The following GTF3C1 variants were observed in gnomAD, a reference collection of about 807,000 sequenced individuals.
GTF3C1 encodes the protein general transcription factor 3C polypeptide 1.
Under a neutral mutation model 226.7 loss-of-function variants are expected in GTF3C1, and 57 were observed. That is an observed-to-expected ratio of 0.25 (90% CI 0.20 to 0.31). GTF3C1 has a LOEUF of 0.31. Ranked by LOEUF, GTF3C1 falls within the 10% of genes least tolerant of loss-of-function variation. The pLI, the probability that GTF3C1 is intolerant of heterozygous loss-of-function variation, is 1.00. For synonymous variants in GTF3C1, 1,090 were observed against 1,084.8 expected (o/e 1.00, Z -0.09); for missense variants, 2,217 against 2,776.1 (o/e 0.80, Z 4.53).
At position 27,529,776 on chromosome 16, in the gene GTF3C1, C is replaced by T. The variant is rs139548954; in HGVS notation, c.850-1055G>A. Among the ~76,000 whole-genome samples the T allele has an allele frequency of 3.2e-4, 48 of 152,342 alleles. 1 individual carries two copies. Among genetic ancestry groups the T allele is most frequent in the African/African-American group, 8.7e-4 (36 of 41,586 alleles). On this transcript the variant is annotated intron_variant, in intron 5 of 36. Transcript: ENST00000356183. ...AGTGAACAGAAGCCTTGATCAGCTG[C>T]TCTTCAGCAGGGCCCACCCGGTTCC...
At position 27,501,363 on chromosome 16, in the gene GTF3C1, G is replaced by A. The variant is rs748890757; in HGVS notation, c.1908-19C>T. The A allele has an allele frequency of 6.2e-7, 1 of 1,612,372 alleles. No homozygotes were observed. The highest frequency in any genetic ancestry group is 1.1e-5 in the South Asian group (1 of 91,050). On this transcript the variant is annotated intron_variant, in intron 11 of 36. Coordinates refer to ENST00000356183, the MANE Select transcript of GTF3C1 (RefSeq NM_001520.4). ...CTGAATCCTGGGCATCACAAAATAA[G>A]CAGATAACACTCCCAATCTCAACAT... is the stretch of plus-strand genomic sequence containing the variant.
intron 7 of GTF3C1, among the ~76,000 whole-genome samples, chr16:27,510,276 C>G (rs1228997014): frequency 6.6e-6 from 1 of 152,026 alleles, no homozygotes; most frequent in Non-Finnish European, 1.5e-5. Context: ...GTCCCAAGTA[C>G]TCGGGAGGCT....
intron 23 of GTF3C1, among the ~76,000 whole-genome samples, chr16:27,487,609 T>C (rs1056146326): frequency 6.6e-6 from 1 of 152,008 alleles, no homozygotes; most frequent in African/African-American, 2.4e-5. Context: ...GCCTGGACAA[T>C]ATGGCAAAAC....
At chr16:27,506,184 A>C (rs2088481953) in intron 9 of GTF3C1, 68 bp from the exon 10 acceptor site, 3 of 858,608 alleles carry the variant, frequency 3.5e-6, no homozygotes, top group Non-Finnish European at 5.7e-6. Flanking sequence ...TTTGGCAATC[A>C]GACCAGACCC....
At chr16:27,502,756 G>T in intron 11 of GTF3C1, 103 bp downstream of exon 11, 2 of 1,203,586 alleles carry the variant, frequency 1.7e-6, no homozygotes, top group Middle Eastern at 1.9e-4. Flanking sequence ...GTGGGACAGA[G>T]ATTTGAATGC....
chr16:27,484,288 AG>A lies in GTF3C1; in HGVS notation c.3923del (p.Ser1308PhefsTer16). The A allele has an allele frequency of 6.2e-7, 1 of 1,607,370 alleles. No individual in the cohort carries two copies. The highest frequency in any genetic ancestry group is 8.5e-7 in the Non-Finnish European group (1 of 1,173,822). ...CAACGGAATGAGATGTTTTATCCAA[AG>A]ACTCTTCAAACGTGGCATGCAAAAT... ...RDILHATFEE[S>X]LDKTSHSVGR... is the part of the protein sequence containing the mutation. On this transcript the variant is annotated frameshift_variant, in exon 25 of 37. Coordinates refer to ENST00000356183, the MANE Select transcript of GTF3C1 (RefSeq NM_001520.4). LOFTEE classifies it high-confidence loss of function.
chr16:27,492,506 A>G lies in GTF3C1; in HGVS notation c.2983T>C (p.Phe995Leu), dbSNP rs1463123946. ...KFQDKDQVFI[F>L]LKKNAVIVDT... Reference sequence around the variant, plus strand: ...ACAATGACTGCATTCTTCTTCAAGAAGATAAAGACCTAAGGGGAGACACCA... The same window carrying G: ...ACAATGACTGCATTCTTCTTCAAGAGGATAAAGACCTAAGGGGAGACACCA... The change falls in exon 19 of 37, where the codon TTC becomes CTC. Residue 995 changes from phenylalanine to leucine, a missense_variant. By Grantham distance (22) the Phe-to-Leu change is conservative. This residue lies in a region of GTF3C1 where 353 missense variants were observed against 411.7 expected (regional missense o/e 0.86). Coordinates refer to ENST00000356183, the MANE Select transcript of GTF3C1 (RefSeq NM_001520.4). This position sits in a 1 kb window ranked among gnomAD's most constrained non-coding sequence, Gnocchi z 5.0. The G allele has an allele frequency of 6.2e-7, 1 of 1,612,646 alleles. No homozygotes were observed. The highest frequency in any genetic ancestry group is 1.7e-5 in the Admixed American group (1 of 60,002).
intron 11 of GTF3C1, among the ~76,000 whole-genome samples, chr16:27,502,021 G>A (rs1057106720): frequency 2.8e-4 from 42 of 152,024 alleles, no homozygotes; most frequent in African/African-American, 1.0e-3. Context: ...TTTGAACCCA[G>A]GAGGCAGACG....
chr16:27,545,526 A>C lies in GTF3C1; in HGVS notation c.222-3T>G, dbSNP rs2089149756. 4 of 1,563,526 alleles carry C rather than the reference A, an allele frequency of 2.6e-6. No homozygotes were observed. In the African/African-American group the frequency reaches 5.4e-5, roughly 21 times the overall value. ...TTTCCAAATCAATTTCTTCATACCT[A>C]AGGAGAAAAACACAAATATCAAAGC... On this transcript the variant is annotated splice_polypyrimidine_tract_variant and splice_region_variant and intron_variant, in intron 1 of 36. Coordinates refer to ENST00000356183, the MANE Select transcript of GTF3C1 (RefSeq NM_001520.4).
chr16:27,521,058 G>A (rs547649022), intron 6 of GTF3C1, among the ~76,000 whole-genome samples: 78 of 152,322 alleles, frequency 5.1e-4, no homozygotes, highest in South Asian at 1.2e-3. Flanking sequence ...GATGGGAAGG[G>A]CTGGTGTCAA....
rs1396657924 is a variant in GTF3C1 at position 27,492,424 on chromosome 16, T to G, written c.3065A>C (p.Glu1022Ala). The G allele has an allele frequency of 6.2e-7, 1 of 1,611,962 alleles. No individual in the cohort carries two copies. The highest frequency in any genetic ancestry group is 8.5e-7 in the Non-Finnish European group (1 of 1,178,194). ...TGAGTTCAGGACATAGAGGCGCCTCTCGAAGGGCCGGCTGCTGCGGGCCAG... is the reference window on the plus strand; with the variant it reads ...TGAGTTCAGGACATAGAGGCGCCTCGCGAAGGGCCGGCTGCTGCGGGCCAG... ...YNLARSSRPF[E>A]RRLYVLNSMQ... The change falls in exon 19 of 37, where the codon GAG (glutamate) becomes GCG (alanine). Residue 1022 changes from glutamate to alanine, a missense_variant. By Grantham distance (107) the Glu-to-Ala change is moderately radical. Coordinates refer to ENST00000356183, the MANE Select transcript of GTF3C1 (RefSeq NM_001520.4). This position sits in a 1 kb window ranked among gnomAD's most constrained non-coding sequence, Gnocchi z 5.0.
intron 11 of GTF3C1, 46 bp downstream of exon 11, chr16:27,502,813 T>A (rs2141396437): frequency 1.3e-6 from 2 of 1,546,188 alleles, no homozygotes; most frequent in East Asian, 2.4e-5. Flanking sequence ...GTAGGAGGAT[T>A]ACTGTTAGTG....
chr16:27,487,305 T>C (rs1052069109), intron 23 of GTF3C1, among the ~76,000 whole-genome samples: 1 of 152,218 alleles, frequency 6.6e-6, no homozygotes, highest in Admixed American at 6.5e-5. Flanking sequence ...TGTTTAAACA[T>C]TCTGTCTTTA....
rs1368155573 is a variant in GTF3C1, at chr16:27,498,786, CT to C, written c.2062-54del. ...AGGGTGAGGGAAGAGCTGAGGAAGA[CT>C]TGGCTCCACAGTCGATTCCTAGTGG... On this transcript the variant is annotated intron_variant, in intron 12 of 36. Transcript: ENST00000356183. 6 of 780,092 alleles carry C rather than the reference CT, an allele frequency of 7.7e-6. No homozygotes were observed. In the African/African-American group the frequency reaches 2.2e-4, roughly 28 times the overall value. 48.3% of individuals were successfully genotyped at this position (780,092 alleles called of 1,614,324 possible).
rs768915905 is a variant in GTF3C1 at position 27,470,397 on chromosome 16, TACAG to T, written c.4527-6_4527-3del. 1.4e-5 allele frequency: 22 copies of T among 1,611,776 alleles called. No individual in the cohort carries two copies. The highest frequency in any genetic ancestry group is 1.7e-5 in the Non-Finnish European group (20 of 1,178,732). ...CTTGGAAATCGCCACGTAAAAATCC[TACAG>T]ACAAAAAGAAAGGAAGGGCCTGACT... On this transcript the variant is annotated splice_polypyrimidine_tract_variant and splice_region_variant and intron_variant, in intron 30 of 36. Transcript: ENST00000356183. This position sits in a 1 kb window ranked among gnomAD's most constrained non-coding sequence, Gnocchi z 4.9.
intron 1 of GTF3C1, among the ~76,000 whole-genome samples, chr16:27,549,447 G>A (rs1188699529): frequency 6.6e-6 from 1 of 152,064 alleles, no homozygotes; most frequent in Non-Finnish European, 1.5e-5. Flanking sequence ...GACAAAACGG[G>A]ACATCACTAG....
At chr16:27,474,065 G>C (rs2087917367) in intron 29 of GTF3C1, among the ~76,000 whole-genome samples, 1 of 152,210 alleles carries the variant, frequency 6.6e-6, no homozygotes, top group Non-Finnish European at 1.5e-5. Context: ...GCTGTCACAG[G>C]CACAGTGAGC....
intron 22 of GTF3C1, 35 bp downstream of exon 22, chr16:27,488,519 T>A (rs773454066): frequency 6.3e-7 from 1 of 1,583,218 alleles, no homozygotes; most frequent in Non-Finnish European, 8.7e-7. Flanking sequence ...ACTGGTACCA[T>A]ATTAACTTCT....
chr16:27,541,620 C>T (rs1414629961), intron 2 of GTF3C1, among the ~76,000 whole-genome samples: 1 of 152,126 alleles, frequency 6.6e-6, no homozygotes, highest in Non-Finnish European at 1.5e-5. Context: ...AGGACACTTC[C>T]AGAGGAGTCA....
Sources: allele counts gnomAD v4.1 joint callset (sites outside exome capture counted in the v4.1 genomes callset), GRCh38; gene constraint gnomAD v4.1.1; regional missense constraint gnomAD v4.1.1; non-coding constraint Gnocchi (gnomAD v3.1); transcripts MANE v1.5; gene names NCBI Gene and HGNC (gene_info 2026-07-23, HGNC 2026-07-21).